TBC1D5: variants seen among roughly 807,000 people sequenced by gnomAD.
The protein encoded by TBC1D5 is TBC1 domain family member 5.
In TBC1D5, 75 loss-of-function variants were observed where a neutral mutation model predicts 100.3. That is an observed-to-expected ratio of 0.75 (90% CI 0.62 to 0.91). TBC1D5 has a LOEUF of 0.91. Ranked by LOEUF, TBC1D5 falls within the 40% of genes least tolerant of loss-of-function variation. The pLI is 0.00. For missense variants in TBC1D5, 910 were observed against 942.4 expected (o/e 0.97, Z 0.45); for synonymous variants, 323 against 325.6 (o/e 0.99, Z 0.09).
Position 17,461,704 on chromosome 3 carries a change from A to G in TBC1D5, c.98-33185T>C, listed in dbSNP as rs146321097. ...TTTACCTGATTACTAATTCAAATCTAAACTCCCTACCAAAGAATCAAATGT... is the reference window on the plus strand; with the variant it reads ...TTTACCTGATTACTAATTCAAATCTGAACTCCCTACCAAAGAATCAAATGT... On this transcript the variant is annotated intron_variant, in intron 3 of 21. Coordinates refer to ENST00000253692, the Ensembl canonical transcript of TBC1D5. 4.5e-3 allele frequency among the ~76,000 whole-genome samples: 685 copies of G among 152,160 alleles called. 6 individuals are homozygous for G. The highest frequency in any genetic ancestry group is 0.017 in the South Asian group (80 of 4,826).
intron 14 of TBC1D5, among the ~76,000 whole-genome samples, chr3:17,300,065 A>G (rs930887243): frequency 6.6e-5 from 10 of 152,132 alleles, no homozygotes; most frequent in African/African-American, 2.2e-4. Flanking sequence ...CCAAAATAAC[A>G]GACAATGTGC....
At chr3:17,593,605 G>A (rs1223375014) in intron 2 of TBC1D5, among the ~76,000 whole-genome samples, 1 of 152,146 alleles carries the variant, frequency 6.6e-6, no homozygotes, top group East Asian at 1.9e-4. Context: ...CAATGCTTCT[G>A]CCAAGACTAG....
chr3:17,563,547 CAA>C, intron 2 of TBC1D5, among the ~76,000 whole-genome samples: 1 of 152,092 alleles, frequency 6.6e-6, no homozygotes, highest in Non-Finnish European at 1.5e-5. Flanking sequence ...CTGGAATTAT[CAA>C]AGTACATTCT....
intron 3 of TBC1D5, among the ~76,000 whole-genome samples, chr3:17,489,510 G>C (rs1317031776): frequency 6.6e-6 from 1 of 152,140 alleles, no homozygotes; most frequent in Non-Finnish European, 1.5e-5. Context: ...CTCCACAAGT[G>C]TTTGTCATTC....
At chr3:17,615,773 C>G (rs1459346229) in intron 2 of TBC1D5, among the ~76,000 whole-genome samples, 1 of 152,140 alleles carries the variant, frequency 6.6e-6, no homozygotes. Context: ...TGATTCTTCT[C>G]ACTTTTCTTC....
intron 1 of TBC1D5, among the ~76,000 whole-genome samples, chr3:17,733,331 T>G (rs1453245371): frequency 6.6e-6 from 1 of 152,248 alleles, no homozygotes; most frequent in African/African-American, 2.4e-5. Context: ...CATAGCTTGA[T>G]GAGTAAACTC....
chr3:17,381,768 T>C (rs1202404131), intron 9 of TBC1D5, among the ~76,000 whole-genome samples: 1 of 151,218 alleles, frequency 6.6e-6, no homozygotes, highest in African/African-American at 2.5e-5. Flanking sequence ...TAGTCTGAGA[T>C]TACAAAAAAA....
At chr3:17,225,236 A>G (rs1179987133) in intron 17 of TBC1D5, among the ~76,000 whole-genome samples, 1 of 151,568 alleles carries the variant, frequency 6.6e-6, no homozygotes, top group African/African-American at 2.4e-5. Flanking sequence ...GTCAGGAGTT[A>G]GAGACCAGCC....
At chr3:17,508,846 AATC>A (rs2095871518) in intron 2 of TBC1D5, among the ~76,000 whole-genome samples, 1 of 152,192 alleles carries the variant, frequency 6.6e-6, no homozygotes, top group Admixed American at 6.5e-5. Flanking sequence ...CTTAATTTTG[AATC>A]ATATTTATTT....
Position 17,404,445 on chromosome 3 carries a change from C to G in TBC1D5, c.441+249G>C, listed in dbSNP as rs564002696. Among the ~76,000 whole-genome samples the G allele has an allele frequency of 4.1e-4, 63 of 151,950 alleles. 1 individual carries two copies. The South Asian group carries it at 0.013, about 32-fold the overall frequency. On this transcript the variant is annotated intron_variant, in intron 7 of 21. Transcript: ENST00000253692. ...TCATCTTTATGGTCTTATATTTTAC[C>G]CTTAGTTCTTACAGAATCCCGAGAT...
At chr3:17,554,440 G>C (rs1409481587) in intron 2 of TBC1D5, among the ~76,000 whole-genome samples, 1 of 152,194 alleles carries the variant, frequency 6.6e-6, no homozygotes, top group Non-Finnish European at 1.5e-5. Flanking sequence ...TCAAAGGATA[G>C]TGAAATGGCA....
At chr3:17,474,234 C>G (rs1272764118) in intron 3 of TBC1D5, among the ~76,000 whole-genome samples, 1 of 152,104 alleles carries the variant, frequency 6.6e-6, no homozygotes, top group Non-Finnish European at 1.5e-5. Context: ...GACAGTTACA[C>G]TGGCAAATAT....
At chr3:17,396,162 T>A (rs939011923) in intron 8 of TBC1D5, among the ~76,000 whole-genome samples, 70 of 152,260 alleles carry the variant, frequency 4.6e-4, no homozygotes, top group African/African-American at 1.5e-3. Context: ...TGGTCGTGCA[T>A]GCACAAGCAT....
chr3:17,395,706 T>G (rs1177892823), intron 8 of TBC1D5, among the ~76,000 whole-genome samples: 1 of 152,138 alleles, frequency 6.6e-6, no homozygotes, highest in Non-Finnish European at 1.5e-5. Flanking sequence ...ATAACTGTGC[T>G]GCCGCTATGT....
At position 17,401,341 on chromosome 3, in the gene TBC1D5, A is replaced by G. The variant is rs1408889660; in HGVS notation, c.509+1840T>C. ...GTATGTGTATAATATACATATATGT[A>G]TAATATACATATATATGTATGTGTA... On this transcript the variant is annotated intron_variant, in intron 8 of 21. Transcript: ENST00000253692. 1.0e-3 allele frequency among the ~76,000 whole-genome samples: 49 copies of G among 48,398 alleles called. 23 individuals are homozygous for G. Among genetic ancestry groups the G allele is most frequent in the East Asian group, 3.4e-3 (6 of 1,758 alleles). 31.8% of individuals were successfully genotyped at this position (48,398 alleles called of 152,430 possible). A position where few individuals can be genotyped will look rare whatever the true frequency, so the allele number is the denominator to read the frequency against.
At chr3:17,241,168 G>A (rs1257612302) in intron 16 of TBC1D5, among the ~76,000 whole-genome samples, 1 of 152,048 alleles carries the variant, frequency 6.6e-6, no homozygotes, top group Non-Finnish European at 1.5e-5. Context: ...GAGCTTGTCT[G>A]TTTTTCTAGG....
chr3:17,239,932 C>T (rs2076175025), intron 16 of TBC1D5, among the ~76,000 whole-genome samples: 1 of 152,112 alleles, frequency 6.6e-6, no homozygotes, highest in Non-Finnish European at 1.5e-5. Context: ...TGAAATAGCT[C>T]ACATTTTGCT....
intron 2 of TBC1D5, among the ~76,000 whole-genome samples, chr3:17,559,898 AT>A (rs929869238): frequency 6.6e-6 from 1 of 152,096 alleles, no homozygotes; most frequent in African/African-American, 2.4e-5. Flanking sequence ...CAAATCTAGA[AT>A]TTTTTTAATG....
intron 13 of TBC1D5, among the ~76,000 whole-genome samples, chr3:17,355,618 T>C (rs1308928033): frequency 6.6e-6 from 1 of 151,548 alleles, no homozygotes; most frequent in Non-Finnish European, 1.5e-5. Flanking sequence ...TTTCATAAAA[T>C]ATATAGAATG....
Sources: allele counts gnomAD v4.1 joint callset (sites outside exome capture counted in the v4.1 genomes callset), GRCh38; gene constraint gnomAD v4.1.1; transcripts MANE v1.5; gene names NCBI Gene and HGNC (gene_info 2026-07-23, HGNC 2026-07-21).